Variants in RPS6KA2 observed in about 807,000 individuals in gnomAD.
The protein encoded by RPS6KA2 is ribosomal protein S6 kinase alpha-2.
In RPS6KA2, 42 loss-of-function variants were observed where a neutral mutation model predicts 91.8. The ratio of observed to expected loss-of-function variants is 0.46; its 90% confidence interval spans 0.36 to 0.59. The LOEUF is 0.59. Ranked by LOEUF, RPS6KA2 falls within the 20% of genes least tolerant of loss-of-function variation. The probability of loss-of-function intolerance (pLI) is 0.00; values close to 1 mark genes in which losing one functional copy is unlikely to be tolerated. For synonymous variants in RPS6KA2, 414 were observed against 393.6 expected, an observed-to-expected ratio of 1.05 and a Z score of -0.61; for missense variants, 798 against 978.5, an observed-to-expected ratio of 0.82 and a Z score of 2.46.
Position 166,412,930 on chromosome 6 carries a change from C to G in RPS6KA2, c.2077-43G>C, listed in dbSNP as rs772469830. ...AGGGTGAGAGCCGCGGCGCCTCACT[C>G]CAGGGGTTGAGCCGGAGCCCGGGGC... On this transcript the variant is annotated intron_variant, in intron 20 of 20. Transcript: ENST00000265678. The surrounding 1 kb of genome is among the most constrained non-coding windows in gnomAD (Gnocchi z 4.3). The G allele has an allele frequency of 5.9e-6, 9 of 1,520,150 alleles. No homozygotes were observed. In the South Asian group the frequency reaches 9.8e-5, roughly 17 times the overall value. 94.2% of individuals were successfully genotyped at this position (1,520,150 alleles called of 1,614,324 possible).
At chr6:166,501,002 G>T in intron 6 of RPS6KA2, 78 bp from the exon 7 acceptor site, 2 of 1,376,828 alleles carry the variant, frequency 1.5e-6, no homozygotes, top group Non-Finnish European at 1.0e-6. Context: ...TCAGAGGAGA[G>T]CTGCGGGGCA....
intron 1 of RPS6KA2, among the ~76,000 whole-genome samples, chr6:166,588,181 C>T (rs898428188): frequency 6.6e-6 from 1 of 152,150 alleles, no homozygotes; most frequent in Non-Finnish European, 1.5e-5. Flanking sequence ...GGCCCTCACC[C>T]TCCACTGCTC....
At chr6:166,735,783 G>A (rs375329172) in intron 2 of RPS6KA2, among the ~76,000 whole-genome samples, 18 of 152,190 alleles carry the variant, frequency 1.2e-4, no homozygotes, top group African/African-American at 3.6e-4. Context: ...ATGAAGCTTC[G>A]CTCACTCACC....
At chr6:166,658,148 C>T (rs1788054072) in intron 2 of RPS6KA2, among the ~76,000 whole-genome samples, 1 of 152,178 alleles carries the variant, frequency 6.6e-6, no homozygotes, top group South Asian at 2.1e-4. Flanking sequence ...TCCCAAAGTG[C>T]TGAGAGTACA....
At chr6:166,859,783 G>A (rs7742136) in intron 1 of RPS6KA2, among the ~76,000 whole-genome samples, 16,702 of 152,170 alleles carry the variant, frequency 0.11, 2,797 homozygotes, top group African/African-American at 0.36. Context: ...GGTGGTTAGA[G>A]CAAAACATGA....
chr6:166,694,346 C>G (rs755022375), intron 2 of RPS6KA2, among the ~76,000 whole-genome samples: 8 of 152,226 alleles, frequency 5.3e-5, no homozygotes, highest in Non-Finnish European at 1.0e-4. Context: ...CTGGGAACAT[C>G]CCATATTGTT....
upstream of RPS6KA2, among the ~76,000 whole-genome samples, chr6:166,630,289 G>A (rs1787032885): frequency 6.6e-6 from 1 of 152,256 alleles, no homozygotes. Flanking sequence ...AGTGGCTTGA[G>A]TGACATCCAA....
At chr6:166,757,793 A>G (rs1031218376) in intron 2 of RPS6KA2, 1 of 309,754 alleles carries the variant, frequency 3.2e-6, no homozygotes. Context: ...ACCAGCTGTG[A>G]GTTGAAAAAA....
chr6:166,518,093 C>T (rs952784957), intron 3 of RPS6KA2, among the ~76,000 whole-genome samples: 1 of 151,874 alleles, frequency 6.6e-6, no homozygotes. Context: ...GTCTTGGCAC[C>T]TGAGCAACAT....
intron 13 of RPS6KA2, among the ~76,000 whole-genome samples, chr6:166,449,485 G>A (rs1779782515): frequency 6.6e-6 from 1 of 152,152 alleles, no homozygotes; most frequent in African/African-American, 2.4e-5. Flanking sequence ...TAACCCCTTA[G>A]AATTCTCTGT....
At chr6:166,456,339 G>T (rs533917188) in intron 12 of RPS6KA2, among the ~76,000 whole-genome samples, 11 of 152,328 alleles carry the variant, frequency 7.2e-5, no homozygotes, top group Non-Finnish European at 1.5e-4. Context: ...ATAATCACCT[G>T]AGGGATGCCG....
intron 2 of RPS6KA2, among the ~76,000 whole-genome samples, chr6:166,783,734 G>A (rs1430591475): frequency 1.4e-5 from 2 of 141,632 alleles, no homozygotes; most frequent in East Asian, 1.9e-4. Flanking sequence ...TCACATACAC[G>A]CGTGGACACC....
Position 166,495,556 on chromosome 6 carries a change from G to A in RPS6KA2, c.747+2952C>T, listed in dbSNP as rs966110415. Among the ~76,000 whole-genome samples the A allele has an allele frequency of 3.3e-5, 5 of 152,104 alleles. No individual in the cohort carries two copies. The highest frequency in any genetic ancestry group is 6.5e-5 in the Admixed American group (1 of 15,274). The stretch of plus-strand genomic sequence containing the variant: ...GACTCCAGGATGGGTGAAGGCTGCC[G>A]GGCACTGGGTCTGGGTGTGAGTGCC... On this transcript the variant is annotated intron_variant, in intron 8 of 20. Transcript: ENST00000265678. This position sits in a 1 kb window ranked among gnomAD's most constrained non-coding sequence, Gnocchi z 4.4.
intron 14 of RPS6KA2, among the ~76,000 whole-genome samples, chr6:166,436,690 G>A (rs915254560): frequency 6.6e-6 from 1 of 152,224 alleles, no homozygotes; most frequent in African/African-American, 2.4e-5. Context: ...TTGCCTCCTG[G>A]CCTCCCAGCC....
At chr6:166,660,030 C>T (rs2128557215) in intron 2 of RPS6KA2, among the ~76,000 whole-genome samples, 1 of 152,056 alleles carries the variant, frequency 6.6e-6, no homozygotes, top group Non-Finnish European at 1.5e-5. Flanking sequence ...GTGTTGTGCT[C>T]ACAGGCGTGA....
intron 2 of RPS6KA2, among the ~76,000 whole-genome samples, chr6:166,807,749 T>TCC (rs1779527695): frequency 6.6e-6 from 1 of 152,042 alleles, no homozygotes; most frequent in South Asian, 2.1e-4. Flanking sequence ...GCCTGGAGTG[T>TCC]CCTGAGCTCA....
At chr6:166,415,627 G>C (rs1230653832) in intron 19 of RPS6KA2, among the ~76,000 whole-genome samples, 1 of 152,034 alleles carries the variant, frequency 6.6e-6, no homozygotes, top group African/African-American at 2.4e-5. Context: ...CCTTCTCCCT[G>C]CTCCCATGCC....
rs1363899841 is a variant in RPS6KA2, at chr6:166,504,531, T to C, written c.541A>G (p.Ile181Val). The C allele has an allele frequency of 1.2e-6, 2 of 1,612,440 alleles. No individual in the cohort carries two copies. Among genetic ancestry groups the C allele is most frequent in the Non-Finnish European group, 1.7e-6 (2 of 1,178,854 alleles). ...ALDHLHSLGIIYRDLKPENIL... is the reference protein window; with the variant it reads ...ALDHLHSLGIVYRDLKPENIL... ...TTCTCAGGCTTCAGATCTCTGTAGATGATCCCCAGGCTGTGGAGATGGTCT... is the reference window on the plus strand; with the variant it reads ...TTCTCAGGCTTCAGATCTCTGTAGACGATCCCCAGGCTGTGGAGATGGTCT... Residue 181 changes from isoleucine to valine, a missense_variant, in exon 6 of 21, where the codon ATC (isoleucine) becomes GTC (valine). Coordinates refer to ENST00000265678, the MANE Select transcript of RPS6KA2 (RefSeq NM_021135.6).
intron 2 of RPS6KA2, among the ~76,000 whole-genome samples, chr6:166,752,860 G>A (rs866675309): frequency 3.3e-5 from 5 of 152,096 alleles, no homozygotes; most frequent in African/African-American, 1.2e-4. Context: ...GGGTAATGGT[G>A]GCCCACTCCC....
Sources: gnomAD v4.1 joint callset for allele counts (sites outside exome capture counted in the v4.1 genomes callset) on GRCh38, gnomAD v4.1.1 for gene constraint, Gnocchi (gnomAD v3.1) non-coding constraint, MANE v1.5 for transcripts, NCBI Gene and HGNC (gene_info 2026-07-23, HGNC 2026-07-21) for gene names.